UBE2E2: variants seen among roughly 807,000 people sequenced by gnomAD.
UBE2E2 encodes the protein ubiquitin-conjugating enzyme E2 E2.
A neutral mutation model predicts 24.7 loss-of-function variants in UBE2E2; 6 were observed. The ratio of observed to expected loss-of-function variants is 0.24; its 90% confidence interval spans 0.13 to 0.48. The LOEUF (loss-of-function observed/expected upper bound fraction) is 0.48. Among genes scored for constraint, UBE2E2 ranks in the 20% least tolerant of loss-of-function variants. UBE2E2 has a pLI of 0.99. For missense variants in UBE2E2, 169 were observed against 245.0 expected, an observed-to-expected ratio of 0.69 and a Z score of 2.07; for synonymous variants, 104 against 83.6, an observed-to-expected ratio of 1.24 and a Z score of -1.33.
At chr3:23,223,929 T>C (rs1696738556) in intron 3 of UBE2E2, among the ~76,000 whole-genome samples, 1 of 152,158 alleles carries the variant, frequency 6.6e-6, no homozygotes, top group African/African-American at 2.4e-5. Flanking sequence ...GTGTTATTGA[T>C]GCCTTTGTCA....
chr3:23,491,175 T>A (rs1336946245), intron 3 of UBE2E2, among the ~76,000 whole-genome samples: 2 of 152,120 alleles, frequency 1.3e-5, no homozygotes, highest in African/African-American at 4.8e-5. Flanking sequence ...TAAAAAAAAA[T>A]TAATGAATAC....
chr3:23,511,672 A>T (rs1694597175), intron 4 of UBE2E2, among the ~76,000 whole-genome samples: 1 of 152,262 alleles, frequency 6.6e-6, no homozygotes, highest in Non-Finnish European at 1.5e-5. Flanking sequence ...GAAAAGAATG[A>T]TGACTGAAAA....
chr3:23,475,142 T>G (rs1699100556), intron 3 of UBE2E2, among the ~76,000 whole-genome samples: 1 of 152,040 alleles, frequency 6.6e-6, no homozygotes, highest in Non-Finnish European at 1.5e-5. Context: ...TTGCTCTTTC[T>G]CACCCTCCTC....
chr3:23,514,039 A>T (rs75654035), intron 4 of UBE2E2, among the ~76,000 whole-genome samples: 4,381 of 152,242 alleles, frequency 0.029, 107 homozygotes, highest in East Asian at 0.13. Flanking sequence ...ATAAAATCCA[A>T]ACTTCTTTGT....
At chr3:23,348,696 C>T (rs906430096) in intron 3 of UBE2E2, among the ~76,000 whole-genome samples, 2 of 151,958 alleles carry the variant, frequency 1.3e-5, no homozygotes, top group African/African-American at 2.4e-5. Flanking sequence ...ATACCTGGGC[C>T]CTGAGGAGGG....
At chr3:23,335,933 A>G (rs981765772) in intron 3 of UBE2E2, among the ~76,000 whole-genome samples, 9 of 152,174 alleles carry the variant, frequency 5.9e-5, no homozygotes, top group African/African-American at 1.9e-4. Context: ...AAATACTGAT[A>G]ACATAATAAG....
chr3:23,528,854 C>G (rs1421269328), intron 4 of UBE2E2, among the ~76,000 whole-genome samples: 1 of 152,146 alleles, frequency 6.6e-6, no homozygotes, highest in African/African-American at 2.4e-5. Context: ...GGGGTGATCC[C>G]TGGGGCATGA....
intron 5 of UBE2E2, among the ~76,000 whole-genome samples, chr3:23,582,739 T>C (rs1478710547): frequency 1.3e-5 from 2 of 152,110 alleles, no homozygotes; most frequent in Admixed American, 1.3e-4. Flanking sequence ...CACCTTTTAA[T>C]GGGGTTCGTT....
chr3:23,525,862 C>T (rs1001372848), intron 4 of UBE2E2, among the ~76,000 whole-genome samples: 3 of 152,192 alleles, frequency 2.0e-5, no homozygotes, highest in Non-Finnish European at 4.4e-5. Context: ...GGTGGGAAGA[C>T]TTCTTTTCTC....
At chr3:23,482,030 G>A (rs969450123) in intron 3 of UBE2E2, among the ~76,000 whole-genome samples, 2 of 152,162 alleles carry the variant, frequency 1.3e-5, no homozygotes, top group Non-Finnish European at 2.9e-5. Context: ...TTCTATAAAT[G>A]TTTTACAACA....
rs144868951 is a variant in UBE2E2 at position 23,225,028 on chromosome 3, G to A, written c.227+7716G>A. Among the ~76,000 whole-genome samples, 778 of 148,096 alleles carry A rather than the reference G, an allele frequency of 5.3e-3. 5 individuals carry two copies. The highest frequency in any genetic ancestry group is 0.018 in the African/African-American group (742 of 40,780). On this transcript the variant is annotated intron_variant, in intron 3 of 5. Coordinates refer to ENST00000396703, the MANE Select transcript of UBE2E2 (RefSeq NM_152653.4). Reference sequence around the variant, plus strand: ...TGGTATTTTGTTGTGGTATTGATTTGCATTATTCTGATGGATGATGGATGA... The same window carrying A: ...TGGTATTTTGTTGTGGTATTGATTTACATTATTCTGATGGATGATGGATGA...
At chr3:23,380,287 C>G (rs886686161) in intron 3 of UBE2E2, among the ~76,000 whole-genome samples, 2 of 152,150 alleles carry the variant, frequency 1.3e-5, no homozygotes, top group Non-Finnish European at 2.9e-5. Flanking sequence ...TGGTGCAGTC[C>G]TAGCTCACTG....
chr3:23,318,045 G>T (rs760848176), intron 3 of UBE2E2, among the ~76,000 whole-genome samples: 2 of 151,734 alleles, frequency 1.3e-5, no homozygotes, highest in Non-Finnish European at 2.9e-5. Flanking sequence ...TCTTATCTAG[G>T]TTTTAAAAAA....
At chr3:23,283,473 G>A (rs939941594) in intron 3 of UBE2E2, among the ~76,000 whole-genome samples, 1 of 152,116 alleles carries the variant, frequency 6.6e-6, no homozygotes, top group East Asian at 1.9e-4. Context: ...AGTGGTTCAC[G>A]CCTGTAATCC....
At chr3:23,497,581 G>A (rs969304061) in intron 3 of UBE2E2, among the ~76,000 whole-genome samples, 11 of 152,166 alleles carry the variant, frequency 7.2e-5, no homozygotes, top group African/African-American at 2.4e-4. Context: ...ATGGCATCAT[G>A]TATGGTTTGT....
chr3:23,348,669 A>G lies in UBE2E2; in HGVS notation c.227+131357A>G, dbSNP rs554039327. On this transcript the variant is annotated intron_variant, in intron 3 of 5. Transcript: ENST00000396703. ...GAGGTACATAGATTCAGAGTGGGTGAGGCTAGGGTAAGAATGATACCTGGG... is the reference window on the plus strand; with the variant it reads ...GAGGTACATAGATTCAGAGTGGGTGGGGCTAGGGTAAGAATGATACCTGGG... Among the ~76,000 whole-genome samples the G allele has an allele frequency of 2.0e-5, 3 of 152,266 alleles. No individual in the cohort carries two copies. The South Asian group carries it at 6.2e-4, about 32-fold the overall frequency.
chr3:23,428,571 C>A (rs1575622588), intron 3 of UBE2E2, among the ~76,000 whole-genome samples: 1 of 151,886 alleles, frequency 6.6e-6, no homozygotes, highest in South Asian at 2.1e-4. Context: ...AAATAGGAAA[C>A]AGGAAATCAC....
At chr3:23,418,352 C>A (rs1335341967) in intron 3 of UBE2E2, among the ~76,000 whole-genome samples, 1 of 152,106 alleles carries the variant, frequency 6.6e-6, no homozygotes, top group Non-Finnish European at 1.5e-5. Context: ...ACGCAATGCC[C>A]CACCCTCCAT....
At chr3:23,515,220 C>T (rs554173745) in intron 4 of UBE2E2, among the ~76,000 whole-genome samples, 65 of 151,902 alleles carry the variant, frequency 4.3e-4, no homozygotes, top group Non-Finnish European at 8.5e-4. Context: ...ATTTAGCAAG[C>T]TGTTAACAGT....
Sources: allele counts gnomAD v4.1 joint callset (sites outside exome capture counted in the v4.1 genomes callset), GRCh38; gene constraint gnomAD v4.1.1; transcripts MANE v1.5; gene names NCBI Gene and HGNC (gene_info 2026-07-23, HGNC 2026-07-21).